The following NLRP14 variants were observed in gnomAD, a reference collection of about 807,000 sequenced individuals.
NLRP14 encodes the protein NACHT, LRR and PYD domains-containing protein 14.
NLRP14 carries 105 observed loss-of-function variants against 94.7 expected under a neutral mutation model. That is an observed-to-expected ratio of 1.11 (90% CI 0.95 to 1.30). The LOEUF (loss-of-function observed/expected upper bound fraction) is 1.30. NLRP14 is among the 50% of genes most tolerant of loss of function. The probability of loss-of-function intolerance (pLI) is 0.00; values close to 1 mark genes in which losing one functional copy is unlikely to be tolerated. For missense variants in NLRP14, 1,362 were observed against 1,254.1 expected, an observed-to-expected ratio of 1.09 and a Z score of -1.30; for synonymous variants, 508 against 459.9, an observed-to-expected ratio of 1.10 and a Z score of -1.34.
intron 5 of NLRP14, 106 bp from the exon 6 acceptor site, chr11:7,049,565 A>C: frequency 1.2e-6 from 1 of 833,990 alleles, no homozygotes; most frequent in Non-Finnish European, 2.0e-6. Context: ...AAATAAGATA[A>C]AAGAATATTC....
chr11:7,061,469 G>A (rs1398366379), intron 9 of NLRP14, among the ~76,000 whole-genome samples: 1 of 151,956 alleles, frequency 6.6e-6, no homozygotes, highest in Non-Finnish European at 1.5e-5. Context: ...ACCTTCCAAA[G>A]CCTCTATGCA....
chr11:7,069,155 A>T (rs909434812), intron 10 of NLRP14, among the ~76,000 whole-genome samples: 1 of 152,200 alleles, frequency 6.6e-6, no homozygotes, highest in Non-Finnish European at 1.5e-5. Flanking sequence ...TAAAATGATT[A>T]TATTTCCTGA....
chr11:7,037,107 C>T (rs1852172636), intron 1 of NLRP14, among the ~76,000 whole-genome samples: 1 of 152,178 alleles, frequency 6.6e-6, no homozygotes, highest in South Asian at 2.1e-4. Flanking sequence ...GTATTCTGTG[C>T]CTTGCTTTCC....
intron 3 of NLRP14, among the ~76,000 whole-genome samples, chr11:7,041,774 A>T (rs61879046): frequency 0.1 from 15,966 of 152,206 alleles, 842 homozygotes; most frequent in Admixed American, 0.16. Context: ...AGGTTCAGAG[A>T]GGTCTTCCCT....
intron 6 of NLRP14, among the ~76,000 whole-genome samples, chr11:7,052,463 T>C (rs1252620335): frequency 6.6e-6 from 1 of 152,058 alleles, no homozygotes; most frequent in Admixed American, 6.5e-5. Flanking sequence ...CAAAACCCCA[T>C]CTCTACTAAA....
intron 9 of NLRP14, among the ~76,000 whole-genome samples, chr11:7,060,980 G>A (rs1852610767): frequency 1.3e-5 from 2 of 151,968 alleles, no homozygotes; most frequent in South Asian, 2.1e-4. Flanking sequence ...CAAAACAGAG[G>A]CGTCACTTAG....
At chr11:7,081,397 G>A in the NLRP14 span, among the ~76,000 whole-genome samples, 1 of 152,134 alleles carries the variant, frequency 6.6e-6, no homozygotes, top group Non-Finnish European at 1.5e-5. Context: ...CCCAAGATGG[G>A]CATTTTGAGC....
intron 9 of NLRP14, among the ~76,000 whole-genome samples, chr11:7,060,838 T>C (rs1565024885): frequency 6.6e-6 from 1 of 152,078 alleles, no homozygotes; most frequent in Non-Finnish European, 1.5e-5. Context: ...GAAATACATT[T>C]ATCGAGGTGT....
rs1215372507 is a variant in NLRP14, at chr11:7,070,275, CTT to C, written c.2976-10_2976-9del. The stretch of plus-strand genomic sequence containing the variant: ...AAATTCATTTTTATCTTTTGTCTCT[CTT>C]CTCTACAGGTTGGAATACTGTGGTT... On this transcript the variant is annotated splice_polypyrimidine_tract_variant and intron_variant, in intron 10 of 11. Transcript: ENST00000299481. 6.3e-7 allele frequency: 1 copy of C among 1,598,854 alleles called. No individual in the cohort carries two copies. Among genetic ancestry groups the C allele is most frequent in the African/African-American group, 1.3e-5 (1 of 74,636 alleles).
the NLRP14 span, among the ~76,000 whole-genome samples, chr11:7,079,237 G>T: frequency 1.3e-5 from 2 of 152,110 alleles, no homozygotes; most frequent in African/African-American, 4.8e-5. Context: ...TTCCCATCTA[G>T]AGTTACCTGT....
intron 1 of NLRP14, among the ~76,000 whole-genome samples, chr11:7,032,196 A>G (rs571654649): frequency 6.6e-6 from 1 of 152,322 alleles, no homozygotes; most frequent in East Asian, 1.9e-4. Flanking sequence ...TTGAGTTAGG[A>G]CAATTTGTGG....
At chr11:7,067,889 C>T (rs4758156) in intron 10 of NLRP14, among the ~76,000 whole-genome samples, 139,043 of 152,162 alleles carry the variant, frequency 0.91, 64,341 homozygotes, top group East Asian at 1. Context: ...CTTCTTTGAA[C>T]TTTGTAACAA....
At chr11:7,046,617 G>C (rs1185463601) in intron 4 of NLRP14, 51 bp from the exon 5 acceptor site, 1 of 1,534,852 alleles carries the variant, frequency 6.5e-7, no homozygotes. Context: ...GAGTTGGCTA[G>C]GCTGAAATAA....
chr11:7,089,671 T>G, the NLRP14 span: 1 of 1,473,514 alleles, frequency 6.8e-7, no homozygotes, highest in Admixed American at 2.3e-5. Flanking sequence ...GCCCTGGCCG[T>G]GCGGGGGCGA....
At chr11:7,077,195 C>T in the NLRP14 span, among the ~76,000 whole-genome samples, 3 of 152,360 alleles carry the variant, frequency 2.0e-5, no homozygotes, top group Admixed American at 6.5e-5. Context: ...TCCTGTGTCC[C>T]TGAGCCAGAC....
chr11:7,089,795 C>T, the NLRP14 span: 217 of 1,601,374 alleles, frequency 1.4e-4, no homozygotes, highest in South Asian at 2.1e-3. Context: ...GCCGAGACTA[C>T]CGCGAACCCC....
At position 7,046,678 on chromosome 11, in the gene NLRP14, C is replaced by G; in HGVS notation, c.1969C>G (p.Arg657Gly). The G allele has an allele frequency of 1.2e-6, 2 of 1,613,250 alleles. No individual in the cohort carries two copies. Among genetic ancestry groups the G allele is most frequent in the South Asian group, 2.2e-5 (2 of 91,060 alleles). Residue 657 changes from arginine (R) to glycine (G), a missense_variant, in exon 5 of 12, where the codon CGC becomes GGC. Coordinates refer to ENST00000299481, the MANE Select transcript of NLRP14 (RefSeq NM_176822.4). The stretch of plus-strand genomic sequence containing the variant: ...ATTATTTATGCAAAGGGATGGTGAT[C>G]GCATTACTCACTGTTGGCAAGATCT... ...SLPTNTWDGD[R>G]ITHCWQDLCS...
rs370253823 is a variant in NLRP14 at position 7,047,763 on chromosome 11, C to CTTTTTTTTTTTTTTTTT, written c.2123+935_2123+936insTTTTTTTTTTTTTTTTT. Among the ~76,000 whole-genome samples the CTTTTTTTTTTTTTTTTT allele has an allele frequency of 1.6e-5, 2 of 123,844 alleles. 1 individual carries two copies. The allele number at this position is 123,844 out of a possible 152,430, so 81.2% of individuals were successfully genotyped here. On this transcript the variant is annotated intron_variant, in intron 5 of 11. Transcript: ENST00000299481. ...AATTTATCTTCTTTCTCTTTCTTTT[C>CTTTTTTTTTTTTTTTTT]TTTTCTTTTTTTTTTTTGAGACAGT...
intron 1 of NLRP14, among the ~76,000 whole-genome samples, chr11:7,023,521 T>C (rs1851973653): frequency 1.2e-5 from 1 of 86,248 alleles, no homozygotes. Context: ...TATTAATATA[T>C]AAAATATATT....
Sources: allele counts gnomAD v4.1 joint callset (sites outside exome capture counted in the v4.1 genomes callset), GRCh38; gene constraint gnomAD v4.1.1; transcripts MANE v1.5; gene names NCBI Gene and HGNC (gene_info 2026-07-23, HGNC 2026-07-21).